The following COX7A2L variants were observed in gnomAD, a reference collection of about 807,000 sequenced individuals.
The protein encoded by COX7A2L is cytochrome c oxidase subunit 7A2-like, mitochondrial.
COX7A2L carries 18 observed loss-of-function variants against 14.2 expected under a neutral mutation model. That is an observed-to-expected ratio of 1.27 (90% confidence interval 0.88 to 1.88). The LOEUF (loss-of-function observed/expected upper bound fraction) is 1.88, where lower values mean the gene tolerates loss of function less well. Ranked by LOEUF, COX7A2L falls within the 40% of genes most tolerant of loss-of-function variation. The pLI is 0.00. For synonymous variants in COX7A2L, 65 were observed against 57.4 expected (o/e 1.13, Z -0.60); for missense variants, 179 against 138.8 (o/e 1.29, Z -1.46).
At position 42,341,979 on chromosome 2, in the gene COX7A2L, CACATA is replaced by C. The variant is rs539815415; in HGVS notation, c.193-8115_193-8111del. On this transcript the variant is annotated intron_variant, in intron 2 of 2. Coordinates refer to the COX7A2L transcript ENST00000468711. ...CAACTCAATTTTCAAATTAATCTGC[CACATA>C]ACATGGAGGCTTTGTGGCCTAAGCA... Among the ~76,000 whole-genome samples, 13 of 152,220 alleles carry C rather than the reference CACATA, an allele frequency of 8.5e-5. No homozygotes were observed. The East Asian group carries it at 2.5e-3, about 29-fold the overall frequency.
rs566043214 is a variant in COX7A2L at position 42,353,103 on chromosome 2, G to T, written c.204+109C>A. ...TAAAATCAAGAGAATACTACTTAAA[G>T]AAAAAGAAGGAGGGTGGGTAGTAAA... On this transcript the variant is annotated intron_variant, in intron 2 of 2. Transcript: ENST00000234301. 10 of 1,342,446 alleles carry T rather than the reference G, an allele frequency of 7.4e-6. No individual in the cohort carries two copies. In the African/African-American group the frequency reaches 8.9e-5, roughly 12 times the overall value. 83.2% of individuals were successfully genotyped at this position (1,342,446 alleles called of 1,614,324 possible). A position where few individuals can be genotyped will look rare whatever the true frequency, so the allele number is the denominator to read the frequency against.
rs1671018968 is a variant in COX7A2L at position 42,361,070 on chromosome 2, T to C, written c.72+20A>G. 7.4e-6 allele frequency: 12 copies of C among 1,612,364 alleles called. No homozygotes were observed. The highest frequency in any genetic ancestry group is 1.0e-5 in the Non-Finnish European group (12 of 1,179,384). ...GGGCCGCCACTTCTCATGTCCGAGC[T>C]GGCCAGGCGCCACTCGTACCTGCGG... is the stretch of plus-strand genomic sequence containing the variant. On this transcript the variant is annotated intron_variant, in intron 1 of 2. Transcript: ENST00000234301.
At chr2:42,348,176 A>C (rs1381507463), downstream of COX7A2L, among the ~76,000 whole-genome samples, 1 of 152,244 alleles carries the variant, frequency 6.6e-6, no homozygotes, top group East Asian at 1.9e-4. Flanking sequence ...GCTCATCTTC[A>C]CAGAAGAAAT....
chr2:42,349,567 C>A lies in COX7A2L; in HGVS notation c.*1652G>T, dbSNP rs1284596668. The A allele has an allele frequency of 6.6e-6, 1 of 152,114 alleles. No individual in the cohort carries two copies. The highest frequency in any genetic ancestry group is 1.5e-5 in the Non-Finnish European group (1 of 68,024). 9.4% of individuals were successfully genotyped at this position (152,114 alleles called of 1,614,324 possible). A position where few individuals can be genotyped will look rare whatever the true frequency, so the allele number is the denominator to read the frequency against. The stretch of plus-strand genomic sequence containing the variant: ...TGTACAACTCCAAATACAGTAAAAA[C>A]CAATGAATTGTACACTTGAGGTGAA... On this transcript the variant is annotated 3_prime_UTR_variant, in exon 3 of 3. Coordinates refer to ENST00000234301, the MANE Select transcript of COX7A2L (RefSeq NM_004718.4).
At chr2:42,347,014 C>A (rs572122526), downstream of COX7A2L, among the ~76,000 whole-genome samples, 1 of 152,138 alleles carries the variant, frequency 6.6e-6, no homozygotes, top group African/African-American at 2.4e-5. Context: ...TGGGCTCAAG[C>A]GATTCTCCTG....
At chr2:42,359,940 G>A (rs1468715346) in intron 1 of COX7A2L, 1 of 151,776 alleles carries the variant, frequency 6.6e-6, no homozygotes, top group Non-Finnish European at 1.5e-5. Context: ...GCCCCAGGCT[G>A]ATCTCAAACT....
chr2:42,346,283 G>T (rs1241406204), downstream of COX7A2L, among the ~76,000 whole-genome samples: 1 of 152,224 alleles, frequency 6.6e-6, no homozygotes, highest in African/African-American at 2.4e-5. Flanking sequence ...TCAAGAGAGT[G>T]ACAGAAAGGA....
chr2:42,363,220 A>G (rs17029621), upstream of COX7A2L, among the ~76,000 whole-genome samples: 5,620 of 152,242 alleles, frequency 0.037, 316 homozygotes, highest in African/African-American at 0.13. Flanking sequence ...AGATTTTTCT[A>G]CGACAAAAAG....
chr2:42,345,241 G>C (rs754976931), downstream of COX7A2L, among the ~76,000 whole-genome samples: 4 of 151,952 alleles, frequency 2.6e-5, no homozygotes, highest in African/African-American at 9.7e-5. Context: ...AAATTAGCCA[G>C]GTCTGGTGGC....
downstream of COX7A2L, among the ~76,000 whole-genome samples, chr2:42,345,310 G>A (rs943161204): frequency 6.6e-6 from 1 of 152,114 alleles, no homozygotes; most frequent in African/African-American, 2.4e-5. Flanking sequence ...TTGAACCCGG[G>A]AGGCGGAGGT....
At chr2:42,356,466 A>G in intron 1 of COX7A2L, among the ~76,000 whole-genome samples, 1 of 152,242 alleles carries the variant, frequency 6.6e-6, no homozygotes, top group East Asian at 1.9e-4. Context: ...CGGCAGAGTA[A>G]GCGCATTCAG....
intron 1 of COX7A2L, among the ~76,000 whole-genome samples, chr2:42,355,364 A>G (rs551135777): frequency 3.3e-5 from 5 of 152,232 alleles, no homozygotes; most frequent in Non-Finnish European, 7.3e-5. Flanking sequence ...TGAATGCAAA[A>G]ATGTAAAAAC....
chr2:42,344,697 G>A (rs771644063), downstream of COX7A2L, among the ~76,000 whole-genome samples: 4 of 151,898 alleles, frequency 2.6e-5, no homozygotes, highest in Non-Finnish European at 5.9e-5. Flanking sequence ...CTAAAAATAC[G>A]AAAAATTAGC....
chr2:42,337,414 A>G (rs759805856), intron 2 of COX7A2L, among the ~76,000 whole-genome samples: 8 of 152,188 alleles, frequency 5.3e-5, no homozygotes, highest in Non-Finnish European at 1.0e-4. Flanking sequence ...AAATGACAAA[A>G]CTACAGAGAC....
chr2:42,364,250 C>CAAAAAAAAAAAAAAAAAAAAAAAAA (rs35151680), upstream of COX7A2L, among the ~76,000 whole-genome samples: 113 of 85,344 alleles, frequency 1.3e-3, no homozygotes, highest in Non-Finnish European at 2.4e-3. Flanking sequence ...GACTCCGTCT[C>CAAAAAAAAAAAAAAAAAAAAAAAAA]AAAAAAAAAA....
intron 2 of COX7A2L, among the ~76,000 whole-genome samples, chr2:42,352,603 T>C (rs56851715): frequency 0.13 from 19,087 of 152,228 alleles, 1,297 homozygotes; most frequent in South Asian, 0.26. Flanking sequence ...TGGACTACTT[T>C]TGAGGAGGGG....
intron 1 of COX7A2L, chr2:42,359,464 G>C (rs1051495964): frequency 6.6e-6 from 1 of 152,112 alleles, no homozygotes; most frequent in Admixed American, 6.5e-5. Context: ...CCATACACTG[G>C]AGAATACATT....
At chr2:42,368,746 T>C (rs1472254693) in intron 1 of COX7A2L, 2 of 152,246 alleles carry the variant, frequency 1.3e-5, no homozygotes, top group East Asian at 3.8e-4. Context: ...TTACTAGTAG[T>C]TGCAGCAACT....
rs182314572 is a variant in COX7A2L, at chr2:42,338,675, G to A, written c.193-4806C>T. Among the ~76,000 whole-genome samples, 902 of 152,174 alleles carry A rather than the reference G, an allele frequency of 5.9e-3. 8 individuals carry two copies. The highest frequency in any genetic ancestry group is 8.5e-3 in the Non-Finnish European group (577 of 68,018). On this transcript the variant is annotated intron_variant, in intron 2 of 2. Transcript: ENST00000468711. This position sits in a 1 kb window ranked among gnomAD's most constrained non-coding sequence, Gnocchi z 4.4. ...ATCCCCACCTGGCGGTCAGCCTGTCGAGGGGCCAGTGAGGAATCTGACAGC... is the reference window on the plus strand; with the variant it reads ...ATCCCCACCTGGCGGTCAGCCTGTCAAGGGGCCAGTGAGGAATCTGACAGC...
Sources: gnomAD v4.1 joint callset for allele counts (sites outside exome capture counted in the v4.1 genomes callset) on GRCh38, gnomAD v4.1.1 for gene constraint, Gnocchi (gnomAD v3.1) non-coding constraint, MANE v1.5 for transcripts, NCBI Gene and HGNC (gene_info 2026-07-23, HGNC 2026-07-21) for gene names.